The following DLGAP2 variants were observed in gnomAD, a reference collection of about 807,000 sequenced individuals.
The protein encoded by DLGAP2 is DLG associated protein 2, also known as disks large-associated protein 2.
Under a neutral mutation model 100.3 loss-of-function variants are expected in DLGAP2, and 26 were observed. That is an observed-to-expected ratio of 0.26 (90% CI 0.19 to 0.36). The LOEUF (loss-of-function observed/expected upper bound fraction) is 0.36, where lower values mean the gene tolerates loss of function less well. Ranked by LOEUF, DLGAP2 falls within the 10% of genes least tolerant of loss-of-function variation. DLGAP2 has a pLI of 1.00. For synonymous variants in DLGAP2, 886 were observed against 630.1 expected (o/e 1.41, Z -6.08); for missense variants, 1,858 against 1,453.2 (o/e 1.28, Z -4.53).
chr8:1,453,374 TGAGA>T (rs1432659051), intron 3 of DLGAP2, among the ~76,000 whole-genome samples: 1 of 152,166 alleles, frequency 6.6e-6, no homozygotes, highest in Non-Finnish European at 1.5e-5. Flanking sequence ...CACAAGTGTC[TGAGA>T]AAGAAAGACA....
At chr8:1,223,945 A>G (rs886580309) in intron 2 of DLGAP2, among the ~76,000 whole-genome samples, 9 of 152,242 alleles carry the variant, frequency 5.9e-5, no homozygotes, top group African/African-American at 2.2e-4. Context: ...AACAATAAGG[A>G]TATTTTCTCA....
chr8:1,076,072 A>G (rs1472356250), intron 2 of DLGAP2, among the ~76,000 whole-genome samples: 1 of 152,178 alleles, frequency 6.6e-6, no homozygotes, highest in Non-Finnish European at 1.5e-5. Flanking sequence ...AGCAAAAGGT[A>G]GGAGGATTTT....
At chr8:1,329,238 C>T (rs1801093926) in intron 3 of DLGAP2, among the ~76,000 whole-genome samples, 2 of 152,198 alleles carry the variant, frequency 1.3e-5, no homozygotes, top group South Asian at 2.1e-4. Flanking sequence ...TTAAAAGTAT[C>T]TTTAATTTCT....
chr8:1,239,618 T>C, intron 2 of DLGAP2, among the ~76,000 whole-genome samples: 1 of 69,638 alleles, frequency 1.4e-5, no homozygotes, highest in Non-Finnish European at 2.7e-5. Context: ...TGTCTAGTTC[T>C]CTCACATGGC....
At chr8:1,538,116 G>T (rs4876087) in intron 4 of DLGAP2, among the ~76,000 whole-genome samples, 106,389 of 152,024 alleles carry the variant, frequency 0.7, 37,629 homozygotes, top group South Asian at 0.83. Context: ...GGGCTGCCGA[G>T]GCACTCATGT....
chr8:1,117,647 G>A (rs958399466), intron 2 of DLGAP2, among the ~76,000 whole-genome samples: 2 of 152,192 alleles, frequency 1.3e-5, no homozygotes, highest in East Asian at 3.9e-4. Flanking sequence ...AACTGAGATG[G>A]CCTTTTCATT....
At chr8:1,546,842 C>G (rs544687392) in intron 4 of DLGAP2, among the ~76,000 whole-genome samples, 1 of 152,224 alleles carries the variant, frequency 6.6e-6, no homozygotes, top group Non-Finnish European at 1.5e-5. Context: ...GGAGAGCTGG[C>G]AGGCAGGAAT....
intron 1 of DLGAP2, among the ~76,000 whole-genome samples, chr8:809,307 T>G (rs1196334305): frequency 6.6e-6 from 1 of 152,248 alleles, no homozygotes; most frequent in African/African-American, 2.4e-5. Flanking sequence ...CATAAACAAT[T>G]ATTTTCATTT....
chr8:750,299 A>G (rs775807175), intron 1 of DLGAP2, among the ~76,000 whole-genome samples: 3 of 152,246 alleles, frequency 2.0e-5, no homozygotes, highest in Non-Finnish European at 2.9e-5. Flanking sequence ...GCGATTGTGC[A>G]GAGTGGGCTC....
chr8:1,694,403 C>T (rs1390287621), intron 13 of DLGAP2, among the ~76,000 whole-genome samples: 1 of 152,196 alleles, frequency 6.6e-6, no homozygotes, highest in African/African-American at 2.4e-5. Context: ...AATGTCAGAA[C>T]CCCAGCCCGA....
chr8:1,174,636 C>T (rs541236631), intron 2 of DLGAP2, among the ~76,000 whole-genome samples: 2 of 151,428 alleles, frequency 1.3e-5, no homozygotes, highest in African/African-American at 4.9e-5. Flanking sequence ...CTGCCACCAT[C>T]ATCATCGTCG....
intron 4 of DLGAP2, among the ~76,000 whole-genome samples, chr8:1,514,225 C>G: frequency 6.6e-6 from 1 of 152,222 alleles, no homozygotes; most frequent in Non-Finnish European, 1.5e-5. Flanking sequence ...CTCTCCAGTA[C>G]AAATGTCCTC....
intron 2 of DLGAP2, among the ~76,000 whole-genome samples, chr8:1,216,502 T>G (rs541963733): frequency 6.6e-6 from 1 of 152,020 alleles, no homozygotes; most frequent in East Asian, 1.9e-4. Context: ...CTGGCTAATT[T>G]TTTTTTTCAA....
chr8:825,899 G>C (rs563274636), intron 1 of DLGAP2, among the ~76,000 whole-genome samples: 5 of 152,280 alleles, frequency 3.3e-5, no homozygotes, highest in African/African-American at 9.6e-5. Flanking sequence ...GTTGTTGACT[G>C]TAGTCACCCT....
chr8:775,895 C>T (rs1428449541), intron 1 of DLGAP2, among the ~76,000 whole-genome samples: 4 of 147,180 alleles, frequency 2.7e-5, no homozygotes, highest in Non-Finnish European at 3.0e-5. Flanking sequence ...CCCTCTTTTT[C>T]TATTGATTGG....
chr8:1,336,402 C>G (rs1372315942), intron 3 of DLGAP2, among the ~76,000 whole-genome samples: 1 of 152,090 alleles, frequency 6.6e-6, no homozygotes, highest in African/African-American at 2.4e-5. Context: ...AGGAAAGGCA[C>G]CGTGCATCCA....
chr8:1,506,535 A>G (rs1036105277), intron 4 of DLGAP2, among the ~76,000 whole-genome samples: 16 of 152,196 alleles, frequency 1.1e-4, no homozygotes, highest in Admixed American at 1.0e-3. Flanking sequence ...GGACCCAAAG[A>G]GTGAGCAACA....
intron 2 of DLGAP2, among the ~76,000 whole-genome samples, chr8:1,203,079 G>A (rs977614061): frequency 6.6e-6 from 1 of 152,080 alleles, no homozygotes; most frequent in African/African-American, 2.4e-5. Flanking sequence ...TCTCCCAAAT[G>A]GGCTGCTTGG....
rs375730135 is a variant in DLGAP2 at position 1,697,095 on chromosome 8, C to A, written c.2797-52C>A. On this transcript the variant is annotated intron_variant, in intron 13 of 14. Coordinates refer to ENST00000637795, the MANE Select transcript of DLGAP2 (RefSeq NM_001346810.2). ...GTGGGGAGGAGTGGCCTCCCCAGCC[C>A]TGTGCCCGCAGGAGACTCTCCTGGC... 1.2e-5 allele frequency: 18 copies of A among 1,468,600 alleles called. No homozygotes were observed. In the African/African-American group the frequency reaches 2.6e-4, roughly 21 times the overall value. The allele number at this position is 1,468,600 out of a possible 1,614,324, so 91.0% of individuals were successfully genotyped here. A position where few individuals can be genotyped will look rare whatever the true frequency, so the allele number is the denominator to read the frequency against.
Sources: gnomAD v4.1 joint callset for allele counts (sites outside exome capture counted in the v4.1 genomes callset) on GRCh38, gnomAD v4.1.1 for gene constraint, MANE v1.5 for transcripts, NCBI Gene and HGNC (gene_info 2026-07-23, HGNC 2026-07-21) for gene names.